The following PACRG variants were observed in gnomAD, a reference collection of about 807,000 sequenced individuals.
The protein encoded by PACRG is parkin coregulated.
Under a neutral mutation model 29.7 loss-of-function variants are expected in PACRG, and 29 were observed. The observed-to-expected ratio is 0.98, with a 90% confidence interval of 0.73 to 1.33. The LOEUF is 1.33. Ranked by LOEUF, PACRG falls within the 40% of genes most tolerant of loss-of-function variation. The probability of loss-of-function intolerance (pLI) is 0.00; values close to 1 mark genes in which losing one functional copy is unlikely to be tolerated. For synonymous variants in PACRG, 116 were observed against 118.7 expected (o/e 0.98, Z 0.15); for missense variants, 279 against 316.2 (o/e 0.88, Z 0.89).
rs983525043 is a variant in PACRG, at chr6:162,777,945, G to A, written c.157-36202G>A. Among the ~76,000 whole-genome samples, 3 of 150,864 alleles carry A rather than the reference G, an allele frequency of 2.0e-5. No homozygotes were observed. The highest frequency in any genetic ancestry group is 7.3e-5 in the African/African-American group (3 of 40,870). On this transcript the variant is annotated intron_variant, in intron 1 of 4. Coordinates refer to ENST00000366888, the MANE Select transcript of PACRG (RefSeq NM_001080379.2). The surrounding 1 kb of genome is among the most constrained non-coding windows in gnomAD (Gnocchi z 4.0). The stretch of plus-strand genomic sequence containing the variant: ...TCCTTTCTCCCAAAACATATTTGTA[G>A]TGAACACATCCTTTGGGCCAAACAC...
chr6:162,811,991 A>G (rs2128358262), intron 1 of PACRG, among the ~76,000 whole-genome samples: 1 of 152,312 alleles, frequency 6.6e-6, no homozygotes, highest in African/African-American at 2.4e-5. Flanking sequence ...TGTGGAGTGA[A>G]AAAGGCCAAT....
intron 2 of PACRG, among the ~76,000 whole-genome samples, chr6:162,947,643 TATATAC>T (rs543314884): frequency 0.017 from 1,247 of 74,100 alleles, 94 homozygotes; most frequent in African/African-American, 0.051. Context: ...TATATATATA[TATATAC>T]ACCCAAAGAT....
At chr6:162,958,884 T>TATATATAG (rs1562779944) in intron 2 of PACRG, among the ~76,000 whole-genome samples, 4 of 21,160 alleles carry the variant, frequency 1.9e-4, no homozygotes, top group Non-Finnish European at 2.8e-4. Context: ...TATATATATA[T>TATATATAG]AGAGAGAGAG....
chr6:162,847,231 C>T (rs535556178), intron 2 of PACRG, among the ~76,000 whole-genome samples: 1 of 152,322 alleles, frequency 6.6e-6, no homozygotes, highest in East Asian at 1.9e-4. Context: ...CAACACACTT[C>T]CTTCTTCCTA....
chr6:162,904,382 C>A (rs571267170), intron 2 of PACRG, among the ~76,000 whole-genome samples: 13 of 152,318 alleles, frequency 8.5e-5, no homozygotes, highest in East Asian at 1.9e-4. Flanking sequence ...TGGGCATTTT[C>A]TCTCAAGTCG....
intron 2 of PACRG, among the ~76,000 whole-genome samples, chr6:162,859,999 C>T (rs999710228): frequency 6.7e-6 from 1 of 149,614 alleles, no homozygotes; most frequent in Non-Finnish European, 1.5e-5. Context: ...ATTTTTTCTC[C>T]CCTACAAGAG....
At chr6:163,134,736 T>C (rs116487744) in intron 4 of PACRG, among the ~76,000 whole-genome samples, 1,523 of 152,300 alleles carry the variant, frequency 0.01, 26 homozygotes, top group African/African-American at 0.035. Context: ...AATACCTACC[T>C]AACAACTACT....
intron 1 of PACRG, among the ~76,000 whole-genome samples, chr6:162,730,745 T>C (rs61471865): frequency 0.24 from 35,809 of 152,126 alleles, 4,873 homozygotes; most frequent in African/African-American, 0.35. Flanking sequence ...TTCCATGAAA[T>C]TTTTGTTGCA....
chr6:163,019,190 T>C (rs958217659), intron 2 of PACRG, among the ~76,000 whole-genome samples: 3 of 152,214 alleles, frequency 2.0e-5, no homozygotes, highest in South Asian at 2.1e-4. Context: ...CTCTCCTTTT[T>C]AAAATAATAA....
At chr6:162,884,718 G>A (rs953355910) in intron 2 of PACRG, among the ~76,000 whole-genome samples, 1 of 148,638 alleles carries the variant, frequency 6.7e-6, no homozygotes, top group African/African-American at 2.6e-5. Context: ...GTGTTAACAT[G>A]TCACCGTCTC....
intron 4 of PACRG, among the ~76,000 whole-genome samples, chr6:163,293,296 G>A (rs181939831): frequency 3.2e-4 from 48 of 152,330 alleles, no homozygotes; most frequent in African/African-American, 1.1e-3. Flanking sequence ...ATATGTGCAC[G>A]TGCCAGAGTA....
rs1438560356 is a variant in PACRG, at chr6:163,269,943, GAAAGAA to G, written c.614-44882_614-44877del. Among the ~76,000 whole-genome samples, 2 of 27,042 alleles carry G rather than the reference GAAAGAA, an allele frequency of 7.4e-5. 1 individual carries two copies. The highest frequency in any genetic ancestry group is 3.9e-4 in the African/African-American group (2 of 5,148). 17.7% of individuals were successfully genotyped at this position (27,042 alleles called of 152,430 possible). On this transcript the variant is annotated intron_variant, in intron 4 of 4. Coordinates refer to ENST00000366888, the MANE Select transcript of PACRG (RefSeq NM_001080379.2). ...GAAAGAAAGAAAACAAAGAAAGAAA[GAAAGAA>G]AGAAAGAAAGAAAGAAAGAAAGAAA... is the stretch of plus-strand genomic sequence containing the variant.
chr6:163,187,757 G>A (rs980633871), intron 4 of PACRG: 1 of 152,556 alleles, frequency 6.6e-6, no homozygotes, highest in African/African-American at 2.4e-5. Flanking sequence ...CAGGCCATGA[G>A]TCAGGACTCT....
intron 1 of PACRG, among the ~76,000 whole-genome samples, chr6:162,760,726 C>A (rs1169639217): frequency 6.6e-6 from 1 of 152,014 alleles, no homozygotes; most frequent in East Asian, 1.9e-4. Context: ...TTGGGAAGGC[C>A]TTTGGCTTTT....
chr6:163,247,869 A>G (rs1782752039), intron 4 of PACRG, among the ~76,000 whole-genome samples: 1 of 152,228 alleles, frequency 6.6e-6, no homozygotes, highest in African/African-American at 2.4e-5. Flanking sequence ...ATTCTTTTCT[A>G]CTTTTTCCCT....
intron 2 of PACRG, among the ~76,000 whole-genome samples, chr6:162,882,315 C>T (rs1286732979): frequency 2.7e-5 from 4 of 150,208 alleles, no homozygotes; most frequent in African/African-American, 7.4e-5. Context: ...ACCAGAGACC[C>T]GGGGGCCCTC....
chr6:162,938,984 C>T (rs1279332527), intron 2 of PACRG, among the ~76,000 whole-genome samples: 1 of 152,002 alleles, frequency 6.6e-6, no homozygotes, highest in Non-Finnish European at 1.5e-5. Flanking sequence ...TTCCTTTTGC[C>T]GTGCAAAAGC....
At chr6:162,749,815 C>A (rs982954624) in intron 1 of PACRG, among the ~76,000 whole-genome samples, 2 of 152,098 alleles carry the variant, frequency 1.3e-5, no homozygotes, top group African/African-American at 4.8e-5. Context: ...CCACCGCACC[C>A]AGCCAAGGAA....
At chr6:162,792,952 G>C (rs1416176974) in intron 1 of PACRG, among the ~76,000 whole-genome samples, 1 of 152,170 alleles carries the variant, frequency 6.6e-6, no homozygotes, top group Non-Finnish European at 1.5e-5. Flanking sequence ...TTGGTCTGGA[G>C]AGTGCTGAGG....
Sources: gnomAD v4.1 joint callset for allele counts (sites outside exome capture counted in the v4.1 genomes callset) on GRCh38, gnomAD v4.1.1 for gene constraint, Gnocchi (gnomAD v3.1) non-coding constraint, MANE v1.5 for transcripts, NCBI Gene and HGNC (gene_info 2026-07-23, HGNC 2026-07-21) for gene names.